SNTG1: variants seen among roughly 807,000 people sequenced by gnomAD.
The protein encoded by SNTG1 is syntrophin gamma 1.
SNTG1 carries 39 observed loss-of-function variants against 74.7 expected under a neutral mutation model. The observed-to-expected ratio is 0.52, with a 90% CI of 0.40 to 0.68. The LOEUF is 0.68. SNTG1 is among the 30% of genes least tolerant of loss of function. The pLI is 0.00. For synonymous variants in SNTG1, 254 were observed against 217.1 expected (o/e 1.17, Z -1.49); for missense variants, 685 against 609.5 (o/e 1.12, Z -1.30).
At chr8:49,957,867 G>C (rs774377597) in intron 1 of SNTG1, among the ~76,000 whole-genome samples, 2 of 152,170 alleles carry the variant, frequency 1.3e-5, no homozygotes, top group African/African-American at 2.4e-5. Flanking sequence ...TCAGGAGGCT[G>C]AGACTAGAGG....
At chr8:50,297,736 G>C (rs2130631683) in intron 2 of SNTG1, among the ~76,000 whole-genome samples, 1 of 152,140 alleles carries the variant, frequency 6.6e-6, no homozygotes. Flanking sequence ...GTTATTTCTG[G>C]AGTTTTCCAT....
At chr8:50,232,286 G>T (rs1279209047) in intron 2 of SNTG1, among the ~76,000 whole-genome samples, 1 of 151,366 alleles carries the variant, frequency 6.6e-6, no homozygotes, top group East Asian at 1.9e-4. Context: ...CAAGCAGGCT[G>T]TTTCAACATT....
In SNTG1 at chr8:50,537,131, T is replaced by C. The variant is rs376412204; in HGVS notation, c.680+323T>C. ...CATAGTTTATCTATTTGTTTGTTTG[T>C]TCACTTATTTTGAGGCAAGGTCTAG... On this transcript the variant is annotated intron_variant, in intron 11 of 18. Transcript: ENST00000642720. Among the ~76,000 whole-genome samples, 120 of 152,270 alleles carry C rather than the reference T, an allele frequency of 7.9e-4. 1 individual carries two copies. Among genetic ancestry groups the C allele is most frequent in the African/African-American group, 2.7e-3 (111 of 41,564 alleles).
At chr8:50,306,287 A>G (rs556894642) in intron 2 of SNTG1, among the ~76,000 whole-genome samples, 1 of 152,006 alleles carries the variant, frequency 6.6e-6, no homozygotes, top group Non-Finnish European at 1.5e-5. Flanking sequence ...TTCTTTATTC[A>G]TTCATTGATT....
intron 1 of SNTG1, among the ~76,000 whole-genome samples, chr8:50,099,748 C>T (rs150154713): frequency 9.9e-5 from 15 of 152,212 alleles, no homozygotes; most frequent in African/African-American, 2.9e-4. Context: ...TGATGTTGAA[C>T]ATTTTCTCAT....
chr8:50,238,750 A>G lies in SNTG1; in HGVS notation c.-28+66115A>G, dbSNP rs141368598. ...ATATTTGCAAAGTATGCTTCTGACA[A>G]AAGTCTGATATCCAAAATGTACAAG... On this transcript the variant is annotated intron_variant, in intron 2 of 18. Transcript: ENST00000642720. Among the ~76,000 whole-genome samples, 434 of 152,342 alleles carry G rather than the reference A, an allele frequency of 2.8e-3. 2 individuals are homozygous for G. Among genetic ancestry groups the G allele is most frequent in the African/African-American group, 0.01 (416 of 41,576 alleles).
chr8:50,319,582 T>C (rs2090450753), intron 2 of SNTG1, among the ~76,000 whole-genome samples: 1 of 152,186 alleles, frequency 6.6e-6, no homozygotes, highest in Non-Finnish European at 1.5e-5. Flanking sequence ...CTGATTAATC[T>C]AGCTAATACT....
intron 1 of SNTG1, among the ~76,000 whole-genome samples, chr8:50,133,132 G>A (rs34047312): frequency 0.21 from 32,273 of 151,994 alleles, 3,498 homozygotes; most frequent in South Asian, 0.37. Flanking sequence ...TGCTTTGCTT[G>A]GAAATAACCT....
intron 18 of SNTG1, among the ~76,000 whole-genome samples, chr8:50,777,948 C>T (rs778752989): frequency 2.2e-4 from 34 of 151,754 alleles, no homozygotes; most frequent in Non-Finnish European, 4.3e-4. Context: ...TGAGAATATG[C>T]GGTGTTTGGT....
intron 17 of SNTG1, among the ~76,000 whole-genome samples, chr8:50,735,954 G>A (rs904427065): frequency 6.6e-5 from 10 of 152,022 alleles, no homozygotes; most frequent in African/African-American, 2.4e-4. Flanking sequence ...AGAAGAGATT[G>A]GGGGCCAATA....
chr8:50,739,771 A>G (rs1232875782), intron 17 of SNTG1, among the ~76,000 whole-genome samples: 1 of 152,052 alleles, frequency 6.6e-6, no homozygotes, highest in Non-Finnish European at 1.5e-5. Flanking sequence ...CTAGTTCAAA[A>G]CCAGACACAT....
intron 1 of SNTG1, among the ~76,000 whole-genome samples, chr8:49,933,966 C>G (rs532962704): frequency 6.6e-6 from 1 of 152,076 alleles, no homozygotes. Flanking sequence ...GATAAGTAAA[C>G]CTATAATTTA....
At chr8:50,008,925 A>G (rs1029252303) in intron 1 of SNTG1, among the ~76,000 whole-genome samples, 10 of 152,320 alleles carry the variant, frequency 6.6e-5, no homozygotes, top group African/African-American at 2.2e-4. Flanking sequence ...TTTGCCCAAC[A>G]TGTAAGTAGC....
chr8:50,116,307 A>G (rs1290375709), intron 1 of SNTG1, among the ~76,000 whole-genome samples: 1 of 152,066 alleles, frequency 6.6e-6, no homozygotes, highest in African/African-American at 2.4e-5. Flanking sequence ...AATACTTACA[A>G]TGATTCTGTG....
At chr8:50,107,035 A>C (rs1201322051) in intron 1 of SNTG1, among the ~76,000 whole-genome samples, 2 of 152,196 alleles carry the variant, frequency 1.3e-5, no homozygotes, top group Non-Finnish European at 2.9e-5. Context: ...GAGCAACTGA[A>C]GCTCCAGGGT....
chr8:50,387,040 A>G (rs1294552806), intron 2 of SNTG1, among the ~76,000 whole-genome samples: 1 of 152,134 alleles, frequency 6.6e-6, no homozygotes, highest in African/African-American at 2.4e-5. Context: ...TCAAATAAAA[A>G]TTTAGTAGGC....
intron 4 of SNTG1, among the ~76,000 whole-genome samples, chr8:50,412,121 G>T (rs560756737): frequency 4.6e-5 from 7 of 152,264 alleles, no homozygotes; most frequent in African/African-American, 1.7e-4. Flanking sequence ...GAAATACATT[G>T]CTAGGTATAA....
intron 1 of SNTG1, among the ~76,000 whole-genome samples, chr8:49,982,063 T>A (rs926607058): frequency 4.6e-5 from 7 of 152,154 alleles, no homozygotes; most frequent in African/African-American, 1.4e-4. Context: ...AAAATGAGCA[T>A]GGTTTTCAAA....
chr8:50,521,182 C>T (rs1453421594), intron 9 of SNTG1, among the ~76,000 whole-genome samples: 1 of 152,100 alleles, frequency 6.6e-6, no homozygotes, highest in African/African-American at 2.4e-5. Context: ...GAAAACCAAA[C>T]ACCAGGTTCT....
Sources: gnomAD v4.1 joint callset for allele counts (sites outside exome capture counted in the v4.1 genomes callset) on GRCh38, gnomAD v4.1.1 for gene constraint, MANE v1.5 for transcripts, NCBI Gene and HGNC (gene_info 2026-07-23, HGNC 2026-07-21) for gene names.